Variants in ZMIZ1 observed in about 807,000 individuals in gnomAD.
ZMIZ1 encodes the protein zinc finger MIZ domain-containing protein 1.
ZMIZ1 carries 17 observed loss-of-function variants against 113.9 expected under a neutral mutation model. That is an observed-to-expected ratio of 0.15 (90% CI 0.10 to 0.22). The LOEUF is 0.22. Among genes scored for constraint, ZMIZ1 ranks in the 10% least tolerant of loss-of-function variants. The pLI is 1.00. For missense variants in ZMIZ1, 1,059 were observed against 1,477.8 expected (o/e 0.72, Z 4.65); for synonymous variants, 607 against 603.1 (o/e 1.01, Z -0.09).
At chr10:79,244,591 C>A (rs967359159) in intron 7 of ZMIZ1, among the ~76,000 whole-genome samples, 1 of 152,194 alleles carries the variant, frequency 6.6e-6, no homozygotes, top group African/African-American at 2.4e-5. Flanking sequence ...CCAGTCCCTT[C>A]GCCCTTGACC....
At chr10:79,306,952 G>A (rs541606908) in intron 22 of ZMIZ1, among the ~76,000 whole-genome samples, 1 of 152,376 alleles carries the variant, frequency 6.6e-6, no homozygotes, top group South Asian at 2.1e-4. Context: ...GGAGGGCACA[G>A]TGACCAGGGA....
intron 18 of ZMIZ1, among the ~76,000 whole-genome samples, chr10:79,302,682 T>TTTTTTTTG (rs1854388817): frequency 2.5e-5 from 1 of 40,350 alleles, no homozygotes; most frequent in Non-Finnish European, 5.1e-5. Flanking sequence ...CAGCTCATGC[T>TTTTTTTTG]TTTTTTTTTT....
In ZMIZ1 at chr10:79,133,334, G is replaced by C. The variant is rs536377549; in HGVS notation, c.-226-6348G>C. Reference sequence around the variant, plus strand: ...TCTCACAGCATTGGGTGCTCTGCTGGTCTGGAACTTATTCCCACTGTGTTG... The same window carrying C: ...TCTCACAGCATTGGGTGCTCTGCTGCTCTGGAACTTATTCCCACTGTGTTG... On this transcript the variant is annotated intron_variant, in intron 2 of 24. Coordinates refer to ENST00000334512, the MANE Select transcript of ZMIZ1 (RefSeq NM_020338.4). 3.2e-4 allele frequency among the ~76,000 whole-genome samples: 48 copies of C among 152,302 alleles called. 1 individual carries two copies. Among genetic ancestry groups the C allele is most frequent in the African/African-American group, 1.1e-3 (47 of 41,560 alleles).
chr10:79,089,086 T>C (rs1202871579), intron 1 of ZMIZ1, among the ~76,000 whole-genome samples: 1 of 152,214 alleles, frequency 6.6e-6, no homozygotes, highest in Non-Finnish European at 1.5e-5. Context: ...GTGGACATGG[T>C]TGTCTGCCCC....
At chr10:79,257,405 G>A (rs1167294962) in intron 7 of ZMIZ1, among the ~76,000 whole-genome samples, 1 of 152,266 alleles carries the variant, frequency 6.6e-6, no homozygotes, top group Non-Finnish European at 1.5e-5. Flanking sequence ...AAAGCTTTAG[G>A]ACTGGGCACC....
intron 2 of ZMIZ1, among the ~76,000 whole-genome samples, chr10:79,138,521 G>A (rs1378577216): frequency 6.6e-6 from 1 of 152,202 alleles, no homozygotes; most frequent in Non-Finnish European, 1.5e-5. Flanking sequence ...CCTAGTTCAA[G>A]TGTGGGGCCA....
At chr10:79,292,593 T>C (rs1403651295) in intron 11 of ZMIZ1, among the ~76,000 whole-genome samples, 8 of 152,030 alleles carry the variant, frequency 5.3e-5, no homozygotes, top group Admixed American at 4.6e-4. Context: ...TGGGTGCTGG[T>C]GTTTGTTCTG....
rs1855409042 is a variant in ZMIZ1, at chr10:79,314,439, G to A, written c.*1690G>A. ...CCAGTCACTGTCCCAGACGGCACAA[G>A]GTTTTCTGTAGGAAAGCTGCCATTG... On this transcript the variant is annotated 3_prime_UTR_variant, in exon 25 of 25. Transcript: ENST00000334512. 2.9e-6 allele frequency: 1 copy of A among 349,642 alleles called. No individual in the cohort carries two copies. Among genetic ancestry groups the A allele is most frequent in the Non-Finnish European group, 5.7e-6 (1 of 176,358 alleles). The allele number at this position is 349,642 out of a possible 1,614,324, so 21.7% of individuals were successfully genotyped here. A position where few individuals can be genotyped will look rare whatever the true frequency, so the allele number is the denominator to read the frequency against.
At chr10:79,197,265 T>C (rs1480037462) in intron 4 of ZMIZ1, among the ~76,000 whole-genome samples, 1 of 152,208 alleles carries the variant, frequency 6.6e-6, no homozygotes, top group Admixed American at 6.5e-5. Flanking sequence ...TGTTCACCCA[T>C]GCCCCCACGT....
At chr10:79,153,519 C>A (rs1408154893) in intron 3 of ZMIZ1, among the ~76,000 whole-genome samples, 2 of 152,270 alleles carry the variant, frequency 1.3e-5, no homozygotes, top group Non-Finnish European at 2.9e-5. Flanking sequence ...AACCTGTCAT[C>A]CCCTTTCTTC....
At chr10:79,075,575 A>ATATG in intron 1 of ZMIZ1, among the ~76,000 whole-genome samples, 1 of 141,490 alleles carries the variant, frequency 7.1e-6, no homozygotes, top group Non-Finnish European at 1.5e-5. Context: ...ACATGCACAC[A>ATATG]CATGCACACA....
At chr10:79,160,628 A>G (rs887206891) in intron 3 of ZMIZ1, among the ~76,000 whole-genome samples, 1 of 152,244 alleles carries the variant, frequency 6.6e-6, no homozygotes, top group Admixed American at 6.5e-5. Context: ...GATCCTTGTG[A>G]TTACTGAGCC....
intron 3 of ZMIZ1, among the ~76,000 whole-genome samples, chr10:79,152,373 G>A (rs767851332): frequency 3.9e-5 from 6 of 152,184 alleles, no homozygotes; most frequent in Non-Finnish European, 7.3e-5. Context: ...GGTGGTGGGC[G>A]CTTGCAGTCC....
chr10:79,120,240 A>G (rs1844228952), intron 2 of ZMIZ1, among the ~76,000 whole-genome samples: 1 of 152,230 alleles, frequency 6.6e-6, no homozygotes, highest in Non-Finnish European at 1.5e-5. Flanking sequence ...TGCATGCCAC[A>G]TGAATGCACA....
intron 1 of ZMIZ1, among the ~76,000 whole-genome samples, chr10:79,107,830 G>A (rs1843612984): frequency 6.6e-6 from 1 of 152,212 alleles, no homozygotes; most frequent in Non-Finnish European, 1.5e-5. Context: ...TCTGCTGTAG[G>A]GTGGAGGTGG....
chr10:79,217,922 A>G (rs1427361049), intron 7 of ZMIZ1, among the ~76,000 whole-genome samples: 1 of 152,250 alleles, frequency 6.6e-6, no homozygotes, highest in Non-Finnish European at 1.5e-5. Flanking sequence ...AAGTCAATAC[A>G]ATGTTGACAG....
Position 79,118,685 on chromosome 10 carries a change from C to T in ZMIZ1, c.-336-230C>T, listed in dbSNP as rs117429527. The stretch of plus-strand genomic sequence containing the variant: ...TGCTGCTGTGGTCTGGCTTTCAGGG[C>T]TGCGGGGCTGCTCGGCCGGTGCTGG... On this transcript the variant is annotated intron_variant, in intron 1 of 24. Coordinates refer to ENST00000334512, the MANE Select transcript of ZMIZ1 (RefSeq NM_020338.4). The surrounding 1 kb of genome is among the most constrained non-coding windows in gnomAD (Gnocchi z 4.1). Among the ~76,000 whole-genome samples the T allele has an allele frequency of 6.6e-5, 10 of 152,320 alleles. No individual in the cohort carries two copies. In the East Asian group the frequency reaches 9.7e-4, roughly 15 times the overall value.
At chr10:79,075,257 G>A (rs1022144386) in intron 1 of ZMIZ1, among the ~76,000 whole-genome samples, 1 of 152,172 alleles carries the variant, frequency 6.6e-6, no homozygotes, top group Non-Finnish European at 1.5e-5. Flanking sequence ...AGATCACCCA[G>A]CTCAAACCCT....
Position 79,296,245 on chromosome 10 carries a change from A to T in ZMIZ1, c.1231-226A>T. On this transcript the variant is annotated intron_variant, in intron 12 of 24. Transcript: ENST00000334512. The surrounding 1 kb of genome is among the most constrained non-coding windows in gnomAD (Gnocchi z 4.1). Reference sequence around the variant, plus strand: ...TGGAGTTCAGGGGCACATGTGCTCCAGGAAGAACGGCCTCAAGGGGAGGTG... The same window carrying T: ...TGGAGTTCAGGGGCACATGTGCTCCTGGAAGAACGGCCTCAAGGGGAGGTG... 1.7e-6 allele frequency: 1 copy of T among 588,758 alleles called. No homozygotes were observed. The highest frequency in any genetic ancestry group is 3.0e-6 in the Non-Finnish European group (1 of 328,068). 36.5% of individuals were successfully genotyped at this position (588,758 alleles called of 1,614,324 possible). A position where few individuals can be genotyped will look rare whatever the true frequency, so the allele number is the denominator to read the frequency against.
Sources: allele counts gnomAD v4.1 joint callset (sites outside exome capture counted in the v4.1 genomes callset), GRCh38; gene constraint gnomAD v4.1.1; non-coding constraint Gnocchi (gnomAD v3.1); transcripts MANE v1.5; gene names NCBI Gene and HGNC (gene_info 2026-07-23, HGNC 2026-07-21).